Variants in LRMDA observed in about 807,000 individuals in gnomAD.
LRMDA encodes the protein leucine rich melanocyte differentiation associated, also known as leucine-rich melanocyte differentiation-associated protein.
Under a neutral mutation model 29.8 loss-of-function variants are expected in LRMDA, and 18 were observed. The ratio of observed to expected loss-of-function variants is 0.60; its 90% confidence interval spans 0.42 to 0.90. LRMDA has a LOEUF of 0.90. LRMDA is among the 40% of genes least tolerant of loss of function. The pLI is 0.00. For synonymous variants in LRMDA, 125 were observed against 109.4 expected (o/e 1.14, Z -0.89); for missense variants, 273 against 273.9 (o/e 1.00, Z 0.02).
chr10:76,029,784 A>G (rs1260625678), intron 2 of LRMDA, among the ~76,000 whole-genome samples: 2 of 152,212 alleles, frequency 1.3e-5, no homozygotes, highest in African/African-American at 4.8e-5. Context: ...CAGGTCTCTC[A>G]GATGAGTGTT....
chr10:75,824,879 G>C lies in LRMDA; in HGVS notation c.132-211129G>C, dbSNP rs552132854. On this transcript the variant is annotated intron_variant, in intron 2 of 6. Coordinates refer to ENST00000611255, the MANE Select transcript of LRMDA (RefSeq NM_001305581.2). ...ACACAGAGTAAGGGCTGAAAGGTAG[G>C]GACAAACATATGGACTGACTTAAGA... Among the ~76,000 whole-genome samples, 28 of 152,284 alleles carry C rather than the reference G, an allele frequency of 1.8e-4. No individual in the cohort carries two copies. In the East Asian group the frequency reaches 5.4e-3, roughly 29 times the overall value.
intron 5 of LRMDA, among the ~76,000 whole-genome samples, chr10:76,237,630 G>A (rs1852176700): frequency 6.6e-6 from 1 of 152,190 alleles, no homozygotes; most frequent in Admixed American, 6.5e-5. Flanking sequence ...GGAGCAGCAA[G>A]CAATTTCCCC....
chr10:76,218,365 G>C (rs1851767262), intron 5 of LRMDA, among the ~76,000 whole-genome samples: 1 of 152,228 alleles, frequency 6.6e-6, no homozygotes, highest in Non-Finnish European at 1.5e-5. Flanking sequence ...AGTGCCGAGA[G>C]ACCCGGAAGA....
chr10:75,888,429 A>G (rs1208241971), intron 2 of LRMDA, among the ~76,000 whole-genome samples: 1 of 152,196 alleles, frequency 6.6e-6, no homozygotes, highest in Non-Finnish European at 1.5e-5. Flanking sequence ...AACCGTTGTC[A>G]CTAGAAACTC....
intron 2 of LRMDA, among the ~76,000 whole-genome samples, chr10:76,013,150 G>C (rs150033611): frequency 6.6e-6 from 1 of 152,164 alleles, no homozygotes; most frequent in Non-Finnish European, 1.5e-5. Flanking sequence ...TGCTAGGCTC[G>C]CATTTTAATC....
intron 6 of LRMDA, among the ~76,000 whole-genome samples, chr10:76,467,392 A>G (rs981514769): frequency 2.0e-5 from 3 of 152,232 alleles, no homozygotes; most frequent in Non-Finnish European, 4.4e-5. Context: ...CAGCTGGTGG[A>G]AACGCCATGT....
chr10:75,696,221 CA>C (rs1230865356), intron 2 of LRMDA, among the ~76,000 whole-genome samples: 1 of 152,194 alleles, frequency 6.6e-6, no homozygotes, highest in Non-Finnish European at 1.5e-5. Flanking sequence ...TAAAATAGCA[CA>C]GATGTATTTC....
intron 6 of LRMDA, among the ~76,000 whole-genome samples, chr10:76,483,471 A>G (rs1842752245): frequency 6.6e-6 from 1 of 151,906 alleles, no homozygotes; most frequent in Admixed American, 6.6e-5. Context: ...TATGGTAAGC[A>G]GGATGTGTTT....
chr10:76,383,653 A>G (rs1414269577), intron 6 of LRMDA, among the ~76,000 whole-genome samples: 1 of 149,642 alleles, frequency 6.7e-6, no homozygotes, highest in Non-Finnish European at 1.5e-5. Context: ...GATGGTCTCG[A>G]TCTCCTGACC....
At chr10:76,528,370 AT>A (rs1348886959) in intron 6 of LRMDA, among the ~76,000 whole-genome samples, 26 of 152,176 alleles carry the variant, frequency 1.7e-4, no homozygotes, top group African/African-American at 6.3e-4. Context: ...ATAGGCAAAT[AT>A]TTAAGTAATA....
chr10:75,853,708 G>A (rs1406572089), intron 2 of LRMDA, among the ~76,000 whole-genome samples: 1 of 152,098 alleles, frequency 6.6e-6, no homozygotes, highest in Non-Finnish European at 1.5e-5. Flanking sequence ...AGATGTTCTG[G>A]GCTGTGTCCT....
At chr10:76,042,480 T>C (rs1004661416) in intron 3 of LRMDA, among the ~76,000 whole-genome samples, 3 of 152,200 alleles carry the variant, frequency 2.0e-5, no homozygotes, top group African/African-American at 7.2e-5. Context: ...AGATCCAGGT[T>C]TGGGGAGTGT....
chr10:75,572,280 A>G (rs1217695523), intron 2 of LRMDA, among the ~76,000 whole-genome samples: 1 of 151,710 alleles, frequency 6.6e-6, no homozygotes, highest in Non-Finnish European at 1.5e-5. Flanking sequence ...ATCAACACTT[A>G]TATAGATTTA....
At chr10:76,097,831 T>G (rs1451585110) in intron 5 of LRMDA, among the ~76,000 whole-genome samples, 1 of 152,140 alleles carries the variant, frequency 6.6e-6, no homozygotes, top group Non-Finnish European at 1.5e-5. Flanking sequence ...AATATTTTGT[T>G]GTAGATTTTA....
intron 5 of LRMDA, among the ~76,000 whole-genome samples, chr10:76,176,435 A>G (rs1387589481): frequency 2.6e-5 from 4 of 152,242 alleles, no homozygotes; most frequent in Non-Finnish European, 5.9e-5. Context: ...GGGGGCATGC[A>G]CTGGCACACA....
intron 5 of LRMDA, among the ~76,000 whole-genome samples, chr10:76,229,352 G>A (rs966682803): frequency 1.3e-5 from 2 of 152,182 alleles, no homozygotes; most frequent in African/African-American, 2.4e-5. Flanking sequence ...GGGTCTGCAG[G>A]CACTTTTAGA....
intron 2 of LRMDA, among the ~76,000 whole-genome samples, chr10:75,843,374 G>A (rs1271448302): frequency 6.6e-6 from 1 of 152,226 alleles, no homozygotes; most frequent in African/African-American, 2.4e-5. Context: ...AGCTGGGTTT[G>A]AGTTCCATCC....
intron 5 of LRMDA, among the ~76,000 whole-genome samples, chr10:76,302,153 C>G (rs2038627): frequency 0.1 from 15,962 of 152,108 alleles, 1,017 homozygotes; most frequent in East Asian, 0.33. Flanking sequence ...ATGGAACATA[C>G]TTCTCAGCAA....
At chr10:75,820,145 AGACCAAATG>A (rs1411973840) in intron 2 of LRMDA, among the ~76,000 whole-genome samples, 1 of 152,240 alleles carries the variant, frequency 6.6e-6, no homozygotes, top group African/African-American at 2.4e-5. Context: ...ATTGGACTTT[AGACCAAATG>A]GACCTAATGG....
Sources: allele counts gnomAD v4.1 joint callset (sites outside exome capture counted in the v4.1 genomes callset), GRCh38; gene constraint gnomAD v4.1.1; transcripts MANE v1.5; gene names NCBI Gene and HGNC (gene_info 2026-07-23, HGNC 2026-07-21).